Variants in CCDC6 observed in about 807,000 individuals in gnomAD.
The protein encoded by CCDC6 is coiled-coil domain-containing protein 6.
CCDC6 carries 20 observed loss-of-function variants against 56.6 expected under a neutral mutation model. That is an observed-to-expected ratio of 0.35 (90% CI 0.25 to 0.51). The LOEUF (loss-of-function observed/expected upper bound fraction) is 0.51. CCDC6 is among the 20% of genes least tolerant of loss of function. CCDC6 has a pLI of 0.95. For synonymous variants in CCDC6, 241 were observed against 234.4 expected (o/e 1.03, Z -0.26); for missense variants, 367 against 601.1 (o/e 0.61, Z 4.07).
chr10:59,846,446 A>C (rs186201368), intron 2 of CCDC6, among the ~76,000 whole-genome samples: 165 of 152,286 alleles, frequency 1.1e-3, no homozygotes, highest in African/African-American at 3.6e-3. Context: ...GTCCTCTCTC[A>C]TCTTTCCATA....
intron 5 of CCDC6, among the ~76,000 whole-genome samples, chr10:59,811,679 C>G (rs544660949): frequency 1.3e-5 from 2 of 152,216 alleles, no homozygotes; most frequent in South Asian, 2.1e-4. Flanking sequence ...TGTGTGCATA[C>G]TCAGGTCCTG....
intron 1 of CCDC6, among the ~76,000 whole-genome samples, 157 bp from the exon 2 acceptor site, chr10:59,852,859 A>G (rs1449065801): frequency 2.6e-5 from 4 of 152,222 alleles, no homozygotes; most frequent in African/African-American, 9.7e-5. Flanking sequence ...GAAATGCAAA[A>G]CAGAGGAATT....
chr10:59,832,713 T>C (rs1320575886), intron 2 of CCDC6, 60 bp from the exon 3 acceptor site: 1 of 1,571,160 alleles, frequency 6.4e-7, no homozygotes, highest in East Asian at 2.2e-5. Context: ...ATGGAAACAC[T>C]GGCTCCAAAA....
chr10:59,807,336 T>G (rs113552323), intron 5 of CCDC6, among the ~76,000 whole-genome samples: 1 of 151,996 alleles, frequency 6.6e-6, no homozygotes, highest in African/African-American at 2.4e-5. Context: ...AATACAAACA[T>G]TAGCTGGGCG....
chr10:59,862,501 G>GTATATATATATATA (rs146237484), intron 1 of CCDC6, among the ~76,000 whole-genome samples: 115 of 84,962 alleles, frequency 1.4e-3, no homozygotes, highest in East Asian at 2.7e-3. Flanking sequence ...AAAAAAAAAA[G>GTATATATATATATA]TATATATATA....
intron 1 of CCDC6, among the ~76,000 whole-genome samples, chr10:59,881,861 C>CGTTCCT (rs1023155513): frequency 3.9e-5 from 6 of 152,188 alleles, no homozygotes; most frequent in African/African-American, 1.4e-4. Context: ...CCTCACTCCA[C>CGTTCCT]GTTCCTGTCC....
intron 1 of CCDC6, among the ~76,000 whole-genome samples, chr10:59,891,098 C>A (rs1269821280): frequency 6.6e-6 from 1 of 152,180 alleles, no homozygotes; most frequent in Admixed American, 6.5e-5. Context: ...TTCAGATCAA[C>A]AACAAATAAT....
At chr10:59,793,241 C>A in intron 8 of CCDC6, 130 bp from the exon 9 acceptor site, 1 of 688,312 alleles carries the variant, frequency 1.5e-6, no homozygotes, top group South Asian at 1.9e-5. Flanking sequence ...GGATTTCTTT[C>A]TTCATCCCTA....
intron 2 of CCDC6, among the ~76,000 whole-genome samples, chr10:59,840,920 C>T (rs991850044): frequency 3.9e-5 from 6 of 152,212 alleles, no homozygotes; most frequent in African/African-American, 1.4e-4. Flanking sequence ...TTCTAATATG[C>T]ATTGCTCCCA....
intron 2 of CCDC6, among the ~76,000 whole-genome samples, chr10:59,848,706 C>T (rs1367507710): frequency 6.6e-6 from 1 of 152,200 alleles, no homozygotes; most frequent in Non-Finnish European, 1.5e-5. Context: ...TAAGTGAGAA[C>T]TTACTGTATA....
chr10:59,892,045 C>T (rs1337432737), intron 1 of CCDC6, among the ~76,000 whole-genome samples: 1 of 152,220 alleles, frequency 6.6e-6, no homozygotes, highest in Non-Finnish European at 1.5e-5. Context: ...TCGGCTACTG[C>T]AATCCTGCAA....
chr10:59,804,568 G>A (rs751779573), intron 6 of CCDC6, 48 bp from the exon 7 acceptor site: 2 of 1,052,774 alleles, frequency 1.9e-6, no homozygotes, highest in South Asian at 2.5e-5. Flanking sequence ...ATTTAAATAG[G>A]CCTTAGGAGA....
At chr10:59,830,205 A>G (rs1040447091) in intron 3 of CCDC6, among the ~76,000 whole-genome samples, 1 of 152,234 alleles carries the variant, frequency 6.6e-6, no homozygotes, top group African/African-American at 2.4e-5. Flanking sequence ...AAATCATGAT[A>G]AGGCATAGTG....
At chr10:59,902,585 G>C (rs1218333324) in intron 1 of CCDC6, among the ~76,000 whole-genome samples, 2 of 151,904 alleles carry the variant, frequency 1.3e-5, no homozygotes, top group African/African-American at 2.4e-5. Flanking sequence ...TTTCAGTAGA[G>C]ATGGGGTTTC....
intron 1 of CCDC6, among the ~76,000 whole-genome samples, chr10:59,884,917 A>G (rs1047035392): frequency 7.2e-5 from 11 of 152,106 alleles, no homozygotes; most frequent in African/African-American, 2.4e-4. Context: ...TACAAAAATT[A>G]GCCAGGCATG....
rs533377192 is a variant in CCDC6 at position 59,836,232 on chromosome 10, A to G, written c.454-3579T>C. 1.1e-4 allele frequency among the ~76,000 whole-genome samples: 16 copies of G among 152,198 alleles called. No homozygotes were observed. In the East Asian group the frequency reaches 3.1e-3, roughly 29 times the overall value. On this transcript the variant is annotated intron_variant, in intron 2 of 8. Coordinates refer to ENST00000263102, the MANE Select transcript of CCDC6 (RefSeq NM_005436.5). ...TATAGTTTGTCTAAGAAAAATTCAG[A>G]TATTCTCTTTTAAACAGATACCATG...
chr10:59,841,217 G>C (rs551060131), intron 2 of CCDC6, among the ~76,000 whole-genome samples: 1 of 152,200 alleles, frequency 6.6e-6, no homozygotes, highest in East Asian at 1.9e-4. Flanking sequence ...TTACTTCAAG[G>C]CCTTAGCACT....
chr10:59,815,101 G>A (rs1170190479), intron 3 of CCDC6, among the ~76,000 whole-genome samples: 1 of 152,004 alleles, frequency 6.6e-6, no homozygotes, highest in Non-Finnish European at 1.5e-5. Flanking sequence ...ACAGTTCTGG[G>A]CTTACAGTTA....
chr10:59,862,944 T>C (rs1231465842), intron 1 of CCDC6, among the ~76,000 whole-genome samples: 2 of 152,158 alleles, frequency 1.3e-5, no homozygotes, highest in Non-Finnish European at 2.9e-5. Flanking sequence ...TTCATTGTGT[T>C]GTTGATCCTT....
Sources: gnomAD v4.1 joint callset for allele counts (sites outside exome capture counted in the v4.1 genomes callset) on GRCh38, gnomAD v4.1.1 for gene constraint, MANE v1.5 for transcripts, NCBI Gene and HGNC (gene_info 2026-07-23, HGNC 2026-07-21) for gene names.